FSIP1: variants seen among roughly 807,000 people sequenced by gnomAD.
FSIP1 encodes the protein fibrous sheath-interacting protein 1.
In FSIP1, 65 loss-of-function variants were observed where a neutral mutation model predicts 60.9. The observed-to-expected ratio is 1.07, with a 90% CI of 0.87 to 1.31. The LOEUF is 1.31. FSIP1 is among the 40% of genes most tolerant of loss of function. FSIP1 has a pLI of 0.00. For missense variants in FSIP1, 675 were observed against 665.5 expected (o/e 1.01, Z -0.16); for synonymous variants, 209 against 221.2 (o/e 0.94, Z 0.49).
intron 10 of FSIP1, among the ~76,000 whole-genome samples, chr15:39,684,671 T>G (rs1374420623): frequency 6.6e-6 from 1 of 152,242 alleles, no homozygotes; most frequent in Non-Finnish European, 1.5e-5. Context: ...TTCTCTTTTA[T>G]GAACTCCTCT....
intron 10 of FSIP1, among the ~76,000 whole-genome samples, chr15:39,697,454 GATAA>G (rs1367686242): frequency 5.9e-5 from 9 of 152,118 alleles, no homozygotes. Flanking sequence ...AATGAACTGG[GATAA>G]ATAATAATTA....
intron 10 of FSIP1, among the ~76,000 whole-genome samples, chr15:39,622,631 T>A (rs1566856148): frequency 6.6e-6 from 1 of 152,212 alleles, no homozygotes; most frequent in Non-Finnish European, 1.5e-5. Flanking sequence ...ACCTATTAGG[T>A]AGAAACTATT....
chr15:39,714,952 A>C (rs1895677799), intron 9 of FSIP1, among the ~76,000 whole-genome samples: 1 of 148,394 alleles, frequency 6.7e-6, no homozygotes, highest in South Asian at 2.2e-4. Context: ...CAGACTGGGC[A>C]ACAGAATGAG....
rs569331614 is a variant in FSIP1 at position 39,723,462 on chromosome 15, C to T, written c.1050+3127G>A. ...GCCAGGATGGTCTGGATCTCCTGAC[C>T]TTGTGATCTGTCTGCCTTGGCCTCC... On this transcript the variant is annotated intron_variant, in intron 9 of 11. Coordinates refer to ENST00000350221, the MANE Select transcript of FSIP1 (RefSeq NM_152597.5). Among the ~76,000 whole-genome samples the T allele has an allele frequency of 3.9e-5, 6 of 152,316 alleles. No individual in the cohort carries two copies. The South Asian group carries it at 1.2e-3, about 32-fold the overall frequency.
chr15:39,622,941 T>A (rs1336864103), intron 10 of FSIP1, among the ~76,000 whole-genome samples: 1 of 152,180 alleles, frequency 6.6e-6, no homozygotes, highest in Non-Finnish European at 1.5e-5. Context: ...GATTGGCTTT[T>A]GTGTGTACGT....
At chr15:39,715,199 C>T (rs1386262473) in intron 9 of FSIP1, among the ~76,000 whole-genome samples, 1 of 152,102 alleles carries the variant, frequency 6.6e-6, no homozygotes, top group Non-Finnish European at 1.5e-5. Flanking sequence ...CTGCTTGAGA[C>T]TCAGACTCAA....
intron 9 of FSIP1, among the ~76,000 whole-genome samples, chr15:39,724,323 C>T (rs1410372341): frequency 6.6e-6 from 1 of 151,270 alleles, no homozygotes; most frequent in Non-Finnish European, 1.5e-5. Flanking sequence ...ACGATCTTGG[C>T]TCACTGCAAG....
chr15:39,630,932 G>A (rs1891857066), intron 10 of FSIP1, among the ~76,000 whole-genome samples: 1 of 152,198 alleles, frequency 6.6e-6, no homozygotes, highest in South Asian at 2.1e-4. Flanking sequence ...TGAGGCAAGT[G>A]TATAAACAAG....
Position 39,613,174 on chromosome 15 carries a change from C to T in FSIP1, c.1699+4561G>A, listed in dbSNP as rs187237610. On this transcript the variant is annotated intron_variant, in intron 11 of 11. Transcript: ENST00000350221. ...CTTCAACAAATTTACATTTGTTGTGCGATTAGAAAGCAATAACAAATACTT... is the reference window on the plus strand; with the variant it reads ...CTTCAACAAATTTACATTTGTTGTGTGATTAGAAAGCAATAACAAATACTT... Among the ~76,000 whole-genome samples the T allele has an allele frequency of 2.3e-4, 35 of 152,042 alleles. 1 individual carries two copies. The highest frequency in any genetic ancestry group is 7.7e-4 in the East Asian group (4 of 5,178).
intron 5 of FSIP1, among the ~76,000 whole-genome samples, chr15:39,747,861 T>C (rs1897049216): frequency 6.6e-6 from 1 of 152,100 alleles, no homozygotes; most frequent in Admixed American, 6.6e-5. Flanking sequence ...TCAGAAAAAT[T>C]TCCTGTGATC....
At chr15:39,749,503 G>A (rs1310990711) in intron 5 of FSIP1, among the ~76,000 whole-genome samples, 4 of 151,872 alleles carry the variant, frequency 2.6e-5, no homozygotes, top group Non-Finnish European at 5.9e-5. Context: ...AGGTAAGGGT[G>A]GTTTAACTTA....
At chr15:39,665,890 C>T (rs1384339815) in intron 10 of FSIP1, among the ~76,000 whole-genome samples, 3 of 152,064 alleles carry the variant, frequency 2.0e-5, no homozygotes, top group Non-Finnish European at 2.9e-5. Flanking sequence ...TAGATTCTTA[C>T]AAGATAATGA....
intron 10 of FSIP1, among the ~76,000 whole-genome samples, chr15:39,687,789 T>G (rs1233996000): frequency 4.6e-5 from 7 of 152,190 alleles, no homozygotes; most frequent in African/African-American, 1.7e-4. Context: ...ATTTTAAGCC[T>G]CTTCTCTAAC....
At chr15:39,669,242 T>C (rs919347933) in intron 10 of FSIP1, among the ~76,000 whole-genome samples, 1 of 152,180 alleles carries the variant, frequency 6.6e-6, no homozygotes, top group Admixed American at 6.5e-5. Context: ...CACTTCAGCC[T>C]ACACAGGCCG....
At chr15:39,761,938 C>T (rs567863688) in intron 5 of FSIP1, among the ~76,000 whole-genome samples, 35 of 152,322 alleles carry the variant, frequency 2.3e-4, no homozygotes, top group African/African-American at 7.2e-4. Context: ...TTGAGGGACA[C>T]AGCAGGAACA....
chr15:39,607,577 G>A (rs1457888025), intron 11 of FSIP1, among the ~76,000 whole-genome samples: 2 of 152,180 alleles, frequency 1.3e-5, no homozygotes, highest in African/African-American at 4.8e-5. Flanking sequence ...CACAAACATT[G>A]ATAATGTGTT....
At chr15:39,635,093 T>C (rs1413431052) in intron 10 of FSIP1, among the ~76,000 whole-genome samples, 2 of 152,178 alleles carry the variant, frequency 1.3e-5, no homozygotes, top group African/African-American at 4.8e-5. Context: ...CCCAGCACTT[T>C]GGGAAGCCGA....
intron 10 of FSIP1, among the ~76,000 whole-genome samples, chr15:39,669,018 G>C (rs1428974608): frequency 6.6e-6 from 1 of 152,166 alleles, no homozygotes; most frequent in East Asian, 1.9e-4. Flanking sequence ...TGTTAGTAAT[G>C]AGAGTTCTAA....
chr15:39,771,349 G>C (rs546340792), intron 2 of FSIP1, among the ~76,000 whole-genome samples: 2 of 152,292 alleles, frequency 1.3e-5, no homozygotes, highest in Admixed American at 1.3e-4. Context: ...CCTCCCAACA[G>C]AGAGACTGTC....
Sources: gnomAD v4.1 joint callset for allele counts (sites outside exome capture counted in the v4.1 genomes callset) on GRCh38, gnomAD v4.1.1 for gene constraint, MANE v1.5 for transcripts, NCBI Gene and HGNC (gene_info 2026-07-23, HGNC 2026-07-21) for gene names.